ITGA8: variants seen among roughly 807,000 people sequenced by gnomAD.
The protein encoded by ITGA8 is integrin subunit alpha 8, also known as integrin alpha-8.
ITGA8 carries 91 observed loss-of-function variants against 142.3 expected under a neutral mutation model. The observed-to-expected ratio is 0.64, with a 90% CI of 0.54 to 0.76. The LOEUF is 0.76. Ranked by LOEUF, ITGA8 falls within the 30% of genes least tolerant of loss-of-function variation. ITGA8 has a pLI of 0.00. For missense variants in ITGA8, 1,406 were observed against 1,327.7 expected, an observed-to-expected ratio of 1.06 and a Z score of -0.92; for synonymous variants, 505 against 485.2, an observed-to-expected ratio of 1.04 and a Z score of -0.54.
At chr10:15,660,838 A>C (rs1329775920) in intron 9 of ITGA8, 41 bp downstream of exon 9, 7 of 1,538,994 alleles carry the variant, frequency 4.5e-6, no homozygotes, top group Non-Finnish European at 6.3e-6. Context: ...GCACCTATAC[A>C]AGAAAATACC....
chr10:15,544,697 T>C (rs1833636753), intron 27 of ITGA8, among the ~76,000 whole-genome samples: 1 of 152,186 alleles, frequency 6.6e-6, no homozygotes, highest in South Asian at 2.1e-4. Context: ...GATTCTTCCC[T>C]CCTGGTATTC....
chr10:15,587,504 T>A lies in ITGA8; in HGVS notation c.2292-840A>T, dbSNP rs566285645. 1.3e-4 allele frequency among the ~76,000 whole-genome samples: 20 copies of A among 152,312 alleles called. No individual in the cohort carries two copies. In the South Asian group the frequency reaches 3.9e-3, roughly 30 times the overall value. On this transcript the variant is annotated intron_variant, in intron 22 of 29. Coordinates refer to ENST00000378076, the MANE Select transcript of ITGA8 (RefSeq NM_003638.3). ...GGCAGCAATTTCATCTTCCTAACGG[T>A]TTATTTCTTCAGTTAGTATTAAAAT... is the stretch of plus-strand genomic sequence containing the variant.
chr10:15,600,439 G>C (rs1033604841), intron 20 of ITGA8, among the ~76,000 whole-genome samples: 15 of 152,200 alleles, frequency 9.9e-5, no homozygotes, highest in African/African-American at 3.6e-4. Flanking sequence ...TAGATAAAGA[G>C]GATGAGGGAG....
chr10:15,593,235 G>A (rs563404072), intron 21 of ITGA8, among the ~76,000 whole-genome samples: 1 of 152,080 alleles, frequency 6.6e-6, no homozygotes, highest in Non-Finnish European at 1.5e-5. Flanking sequence ...TTTTCATAAC[G>A]TGGAAATAGA....
intron 27 of ITGA8, among the ~76,000 whole-genome samples, chr10:15,532,864 G>T (rs1448769114): frequency 6.6e-6 from 1 of 152,104 alleles, no homozygotes; most frequent in East Asian, 1.9e-4. Context: ...AAAACCTCAT[G>T]CTTGCTATTT....
At chr10:15,520,740 G>C (rs139816451) in intron 28 of ITGA8, among the ~76,000 whole-genome samples, 1 of 152,306 alleles carries the variant, frequency 6.6e-6, no homozygotes, top group African/African-American at 2.4e-5. Flanking sequence ...GTAGTATTCC[G>C]GTTTTATCAG....
At chr10:15,630,111 A>G (rs1393892863) in intron 13 of ITGA8, among the ~76,000 whole-genome samples, 1 of 152,078 alleles carries the variant, frequency 6.6e-6, no homozygotes, top group Admixed American at 6.5e-5. Context: ...CTAGCCAAGA[A>G]TCAGTCTGCT....
chr10:15,601,252 A>G (rs1455370971), intron 20 of ITGA8, among the ~76,000 whole-genome samples: 1 of 152,082 alleles, frequency 6.6e-6, no homozygotes, highest in Non-Finnish European at 1.5e-5. Context: ...AAGGAAAGAA[A>G]AAAGAAAATG....
At chr10:15,543,792 G>A (rs574584658) in intron 27 of ITGA8, among the ~76,000 whole-genome samples, 2 of 152,296 alleles carry the variant, frequency 1.3e-5, no homozygotes, top group South Asian at 4.1e-4. Flanking sequence ...ACCTTATTTG[G>A]AATAATGGTC....
chr10:15,558,202 G>C lies in ITGA8; in HGVS notation c.2638C>G (p.Pro880Ala). The change falls in exon 26 of 30, where the codon CCT becomes GCT. Residue 880 changes from proline to alanine, a missense_variant and splice_region_variant. By Grantham distance (27) the Pro-to-Ala change is conservative. Coordinates refer to ENST00000378076, the MANE Select transcript of ITGA8 (RefSeq NM_003638.3). ...NPNINPQDIK[P>A]AASPEDTPEL... ...GGGGTGTCCTCTGGGGAGGCAGCAG[G>C]CTGCAAAAAGAAAGTGGGAGATACC... 1.2e-6 allele frequency: 2 copies of C among 1,613,770 alleles called. No homozygotes were observed. Among genetic ancestry groups the C allele is most frequent in the Non-Finnish European group, 1.7e-6 (2 of 1,179,904 alleles).
intron 23 of ITGA8, among the ~76,000 whole-genome samples, chr10:15,586,049 ATTTTTTTTTT>A (rs59435924): frequency 2.6e-5 from 2 of 76,810 alleles, no homozygotes; most frequent in Admixed American, 1.6e-4. Context: ...GAATAAAGTG[ATTTTTTTTTT>A]TTTTTTTTTT....
chr10:15,606,349 A>C lies in ITGA8; in HGVS notation c.1838T>G (p.Phe613Cys). 1 of 1,612,340 alleles carries C rather than the reference A, an allele frequency of 6.2e-7. No individual in the cohort carries two copies. The highest frequency in any genetic ancestry group is 8.5e-7 in the Non-Finnish European group (1 of 1,178,536). Residue 613 changes from phenylalanine to cysteine, a missense_variant, in exon 18 of 30, where the codon TTT (phenylalanine) becomes TGT (cysteine). Phe to Cys is a radical substitution (Grantham distance 205, BLOSUM62 -2). Transcript: ENST00000378076. The stretch of plus-strand genomic sequence containing the variant: ...TGGTTTCACTTCCAGGCCTTCTTTA[A>C]AGGTGGATTCGTCCAAACTGTAATT... ...SLNYSLDEST[F>C]KEGLEVKPIL...
At chr10:15,544,652 A>G (rs1833635535) in intron 27 of ITGA8, among the ~76,000 whole-genome samples, 1 of 152,184 alleles carries the variant, frequency 6.6e-6, no homozygotes, top group Non-Finnish European at 1.5e-5. Context: ...TTGGCTAACG[A>G]TCTGTGGTAG....
intron 27 of ITGA8, among the ~76,000 whole-genome samples, chr10:15,538,716 T>C (rs1332342524): frequency 6.6e-6 from 1 of 152,040 alleles, no homozygotes; most frequent in Non-Finnish European, 1.5e-5. Flanking sequence ...GACATCATTT[T>C]TGTTCAGTCT....
chr10:15,569,391 A>G (rs1337707055), intron 25 of ITGA8, among the ~76,000 whole-genome samples: 1 of 152,150 alleles, frequency 6.6e-6, no homozygotes, highest in Non-Finnish European at 1.5e-5. Flanking sequence ...TGAGGCACTT[A>G]CTATCTAGAT....
At chr10:15,650,253 T>C (rs562924048) in intron 11 of ITGA8, among the ~76,000 whole-genome samples, 2 of 152,238 alleles carry the variant, frequency 1.3e-5, no homozygotes, top group East Asian at 3.9e-4. Flanking sequence ...GCAAAAAAAA[T>C]CACACACCTG....
chr10:15,609,552 G>A (rs189705266), intron 15 of ITGA8, among the ~76,000 whole-genome samples: 8 of 152,234 alleles, frequency 5.3e-5, no homozygotes, highest in East Asian at 1.9e-4. Flanking sequence ...AAATGTCTAC[G>A]CTATTACAAG....
intron 28 of ITGA8, among the ~76,000 whole-genome samples, chr10:15,522,516 A>G (rs1180418601): frequency 6.6e-6 from 1 of 152,232 alleles, no homozygotes; most frequent in African/African-American, 2.4e-5. Context: ...GCCAGTTACA[A>G]TGACCCCAGG....
Position 15,517,202 on chromosome 10 carries a change from T to C in ITGA8, c.3148A>G (p.Thr1050Ala), listed in dbSNP as rs1832979541. ...TCATTTGTCAGCTGTTCCCTGTCGG[T>C]CATGTCCTCCTGAGGAGGTCTGGCT... Reference protein sequence around the residue: ...DRARPPQEDMTDREQLTNDKT... With the variant: ...DRARPPQEDMADREQLTNDKT... Residue 1050 changes from threonine to alanine, a missense_variant, in exon 30 of 30, where the codon ACC becomes GCC. By Grantham distance (58) the Thr-to-Ala change is moderately conservative. Transcript: ENST00000378076. The C allele has an allele frequency of 6.2e-7, 1 of 1,613,548 alleles. No individual in the cohort carries two copies. The highest frequency in any genetic ancestry group is 1.7e-5 in the Admixed American group (1 of 59,966).
Sources: allele counts gnomAD v4.1 joint callset (sites outside exome capture counted in the v4.1 genomes callset), GRCh38; gene constraint gnomAD v4.1.1; transcripts MANE v1.5; gene names NCBI Gene and HGNC (gene_info 2026-07-23, HGNC 2026-07-21).